ARMC1: variants seen among roughly 807,000 people sequenced by gnomAD.
ARMC1 encodes the protein armadillo repeat containing 1, also known as armadillo repeat-containing protein 1.
In ARMC1, 16 loss-of-function variants were observed where a neutral mutation model predicts 31.4. That is an observed-to-expected ratio of 0.51 (90% confidence interval 0.34 to 0.77). The LOEUF (loss-of-function observed/expected upper bound fraction) is 0.77. Among genes scored for constraint, ARMC1 ranks in the 30% least tolerant of loss-of-function variants. The probability of loss-of-function intolerance (pLI) is 0.01; values close to 1 mark genes in which losing one functional copy is unlikely to be tolerated. For missense variants in ARMC1, 259 were observed against 347.5 expected (o/e 0.75, Z 2.02); for synonymous variants, 114 against 118.9 (o/e 0.96, Z 0.27).
At position 65,603,678 on chromosome 8, in the gene ARMC1, C is replaced by A. The variant is rs1184834657; in HGVS notation, c.*716G>T. 16 of 152,174 alleles carry A rather than the reference C, an allele frequency of 1.1e-4. No homozygotes were observed. The highest frequency in any genetic ancestry group is 1.0e-3 in the Admixed American group (16 of 15,282). 9.4% of individuals were successfully genotyped at this position (152,174 alleles called of 1,614,324 possible). A position where few individuals can be genotyped will look rare whatever the true frequency, so the allele number is the denominator to read the frequency against. On this transcript the variant is annotated 3_prime_UTR_variant, in exon 7 of 7. Transcript: ENST00000276569. Reference sequence around the variant, plus strand: ...GAAGTCAACTAGAACCACATTTGGTCACATTCAAACAGTCTCCAAAAACAC... The same window carrying A: ...GAAGTCAACTAGAACCACATTTGGTAACATTCAAACAGTCTCCAAAAACAC...
chr8:65,618,265 G>A (rs555348103), intron 3 of ARMC1, among the ~76,000 whole-genome samples: 1 of 151,212 alleles, frequency 6.6e-6, no homozygotes, highest in African/African-American at 2.4e-5. Context: ...GCTCACGCCT[G>A]TAATCCCAGC....
chr8:65,613,459 A>G (rs1808186933), intron 3 of ARMC1, 26 bp from the exon 4 acceptor site: 4 of 1,482,854 alleles, frequency 2.7e-6, no homozygotes, highest in Non-Finnish European at 3.6e-6. Flanking sequence ...ATATATAATT[A>G]GTCTTGTCAC....
At chr8:65,606,227 G>A (rs34851482) in intron 4 of ARMC1, among the ~76,000 whole-genome samples, 44,981 of 151,780 alleles carry the variant, frequency 0.3, 6,995 homozygotes, top group East Asian at 0.47. Flanking sequence ...TGGGCATGGT[G>A]GCGTGTGCCT....
At chr8:65,628,634 G>C (rs769314674) in intron 1 of ARMC1, among the ~76,000 whole-genome samples, 115 of 150,616 alleles carry the variant, frequency 7.6e-4, no homozygotes, top group Non-Finnish European at 1.9e-4. Context: ...GAGGCAGGCA[G>C]ATCTCCTGAG....
At chr8:65,630,317 T>A (rs989982488) in intron 1 of ARMC1, among the ~76,000 whole-genome samples, 8 of 152,198 alleles carry the variant, frequency 5.3e-5, no homozygotes, top group African/African-American at 1.9e-4. Context: ...ATTACCAATT[T>A]ACAATAAAAT....
chr8:65,611,870 T>C (rs2129041618), intron 4 of ARMC1, among the ~76,000 whole-genome samples: 1 of 151,372 alleles, frequency 6.6e-6, no homozygotes, highest in East Asian at 2.0e-4. Flanking sequence ...ACCTCCTGGG[T>C]TCAAGCGATT....
At chr8:65,617,913 T>A (rs536187379) in intron 3 of ARMC1, among the ~76,000 whole-genome samples, 55 of 79,008 alleles carry the variant, frequency 7.0e-4, no homozygotes, top group African/African-American at 2.7e-3. Flanking sequence ...TTAATCCTTT[T>A]TTCGGCGGGG....
At chr8:65,605,912 C>T (rs1807992212) in intron 4 of ARMC1, among the ~76,000 whole-genome samples, 1 of 152,048 alleles carries the variant, frequency 6.6e-6, no homozygotes, top group South Asian at 2.1e-4. Flanking sequence ...AACTATAGTC[C>T]ACCAGCTGTT....
intron 2 of ARMC1, among the ~76,000 whole-genome samples, chr8:65,626,920 T>TG (rs1808522473): frequency 1.3e-5 from 2 of 150,520 alleles, no homozygotes; most frequent in African/African-American, 2.4e-5. Flanking sequence ...GAGGCTGAGG[T>TG]CGGGGGGATG....
intron 2 of ARMC1, among the ~76,000 whole-genome samples, chr8:65,622,793 G>A (rs1323368029): frequency 1.3e-5 from 2 of 151,878 alleles, no homozygotes; most frequent in Non-Finnish European, 2.9e-5. Flanking sequence ...GGAGGCTGAG[G>A]TGGGCAGATC....
rs1195562258 is a variant in ARMC1, at chr8:65,605,308, C to T, written c.612G>A (p.Lys204=). 2 of 1,613,648 alleles carry T rather than the reference C, an allele frequency of 1.2e-6. No homozygotes were observed. The highest frequency in any genetic ancestry group is 2.7e-5 in the African/African-American group (2 of 74,900). ...EALASAIAST[K]VMKAQQVVKS... ...TCACAACTTGCTGAGCTTTCATAAC[C>T]TTGGTTGATGCTATTGCTGATGCCA... Residue 204 remains lysine (K), a synonymous_variant, in exon 6 of 7, where the codon AAG becomes AAA. Coordinates refer to ENST00000276569, the MANE Select transcript of ARMC1 (RefSeq NM_018120.6).
At chr8:65,627,144 T>G (rs1808527712) in intron 2 of ARMC1, 72 bp downstream of exon 2, 2 of 1,401,772 alleles carry the variant, frequency 1.4e-6, no homozygotes. Context: ...CCTTGTCATC[T>G]AGCACTTTTT....
intron 3 of ARMC1, among the ~76,000 whole-genome samples, chr8:65,616,824 C>T (rs1269270963): frequency 2.0e-5 from 3 of 150,436 alleles, no homozygotes; most frequent in Non-Finnish European, 4.4e-5. Flanking sequence ...GCCCGGCCGC[C>T]CTGTCTGAGA....
At chr8:65,628,077 T>C (rs2129044202) in intron 1 of ARMC1, among the ~76,000 whole-genome samples, 1 of 152,276 alleles carries the variant, frequency 6.6e-6, no homozygotes, top group East Asian at 1.9e-4. Flanking sequence ...ATAGGAAGAA[T>C]GAAGTAGAAT....
In ARMC1 at chr8:65,613,302, C is replaced by T. The variant is rs371983288; in HGVS notation, c.407G>A (p.Gly136Glu). 6.2e-6 allele frequency: 10 copies of T among 1,611,688 alleles called. No individual in the cohort carries two copies. In the African/African-American group the frequency reaches 1.1e-4, roughly 17 times the overall value. ...TGTTTTGGCACGTTTGTTTGTAGTT[C>T]CCAGAAAAAATTGAGCTTTCCTTCG... ...SRRRKAQFFLGTTNKRAKTVV... is the reference protein window; with the variant it reads ...SRRRKAQFFLETTNKRAKTVV... Residue 136 changes from glycine (G) to glutamate (E), a missense_variant, in exon 4 of 7, where the codon GGA (glycine) becomes GAA (glutamate). Transcript: ENST00000276569.
rs781730514 is a variant in ARMC1 at position 65,613,326 on chromosome 8, C to T, written c.383G>A (p.Arg128Gln). 14 of 1,612,478 alleles carry T rather than the reference C, an allele frequency of 8.7e-6. No homozygotes were observed. In the Admixed American group the frequency reaches 1.8e-4, roughly 21 times the overall value. The part of the protein sequence containing the change: ...GDSFNEMNSR[R>Q]RKAQFFLGTT... Reference sequence around the variant, plus strand: ...TCCCAGAAAAAATTGAGCTTTCCTTCGACGTGAATTCATCTCATTAAAACT... The same window carrying T: ...TCCCAGAAAAAATTGAGCTTTCCTTTGACGTGAATTCATCTCATTAAAACT... The change falls in exon 4 of 7, where the codon CGA becomes CAA. Residue 128 changes from arginine (R) to glutamine (Q), a missense_variant. Arg to Gln is a conservative substitution (Grantham distance 43, BLOSUM62 1). This residue lies in a region of ARMC1 where 163 missense variants were observed against 186.7 expected (regional missense o/e 0.87). Transcript: ENST00000276569.
chr8:65,619,981 A>G (rs953069553), intron 3 of ARMC1, among the ~76,000 whole-genome samples: 1 of 151,386 alleles, frequency 6.6e-6, no homozygotes, highest in African/African-American at 2.4e-5. Flanking sequence ...GAGACTCAAA[A>G]AAAAAAAAAA....
rs565781516 is a variant in ARMC1, at chr8:65,634,168, C to T, written c.-206G>A. On this transcript the variant is annotated 5_prime_UTR_variant, in exon 1 of 7. Coordinates refer to ENST00000276569, the MANE Select transcript of ARMC1 (RefSeq NM_018120.6). ...GCCAAAGAGCGAAGGCGCTGGCGGG[C>T]AAAGGCTCTGCAGACTCTTCCCAGG... is the stretch of plus-strand genomic sequence containing the variant. 1 of 152,296 alleles carries T rather than the reference C, an allele frequency of 6.6e-6. No homozygotes were observed. Among genetic ancestry groups the T allele is most frequent in the African/African-American group, 2.4e-5 (1 of 41,472 alleles). 9.4% of individuals were successfully genotyped at this position (152,296 alleles called of 1,614,324 possible). A position where few individuals can be genotyped will look rare whatever the true frequency, so the allele number is the denominator to read the frequency against.
chr8:65,607,216 C>A (rs940945417), intron 4 of ARMC1, among the ~76,000 whole-genome samples: 1 of 152,238 alleles, frequency 6.6e-6, no homozygotes, highest in African/African-American at 2.4e-5. Flanking sequence ...TGTGTCTGGA[C>A]CCTGCTCTGC....
Sources: allele counts gnomAD v4.1 joint callset (sites outside exome capture counted in the v4.1 genomes callset), GRCh38; gene constraint gnomAD v4.1.1; regional missense constraint gnomAD v4.1.1; transcripts MANE v1.5; gene names NCBI Gene and HGNC (gene_info 2026-07-23, HGNC 2026-07-21).